MAPK10: variants seen among roughly 807,000 people sequenced by gnomAD.
MAPK10 encodes the protein mitogen-activated protein kinase 10.
A neutral mutation model predicts 59.3 loss-of-function variants in MAPK10; 25 were observed. That is an observed-to-expected ratio of 0.42 (90% CI 0.31 to 0.59). The LOEUF (loss-of-function observed/expected upper bound fraction) is 0.59. MAPK10 is among the 20% of genes least tolerant of loss of function. MAPK10 has a pLI of 0.15. For synonymous variants in MAPK10, 190 were observed against 200.5 expected, an observed-to-expected ratio of 0.95 and a Z score of 0.44; for missense variants, 351 against 568.9, an observed-to-expected ratio of 0.62 and a Z score of 3.90.
At chr4:86,420,849 A>G (rs929863206) in intron 1 of MAPK10, among the ~76,000 whole-genome samples, 20 of 152,110 alleles carry the variant, frequency 1.3e-4, no homozygotes, top group Non-Finnish European at 2.6e-4. Context: ...TGGGAGGCCG[A>G]GGCTGGTGGA....
intron 3 of MAPK10, among the ~76,000 whole-genome samples, chr4:86,168,176 G>C (rs141662565): frequency 0.03 from 4,520 of 152,288 alleles, 92 homozygotes; most frequent in South Asian, 0.041. Context: ...TGAGGTACCG[G>C]GTTCATCTCA....
At chr4:86,216,861 C>T (rs1468834842) in intron 2 of MAPK10, among the ~76,000 whole-genome samples, 2 of 151,910 alleles carry the variant, frequency 1.3e-5, no homozygotes, top group South Asian at 2.1e-4. Flanking sequence ...GAAATATGCA[C>T]ATTAATAACT....
At chr4:86,215,895 A>G (rs2087392346) in intron 2 of MAPK10, among the ~76,000 whole-genome samples, 1 of 152,278 alleles carries the variant, frequency 6.6e-6, no homozygotes, top group Middle Eastern at 3.4e-3. Context: ...TCAAGTTACC[A>G]TCTCACATCC....
At chr4:86,565,622 G>A (rs1317136167) in intron 1 of MAPK10, among the ~76,000 whole-genome samples, 2 of 152,168 alleles carry the variant, frequency 1.3e-5, no homozygotes, top group African/African-American at 2.4e-5. Context: ...GTATGCAGAC[G>A]TAGCAGATGC....
At chr4:86,039,791 T>G (rs573666426) in intron 11 of MAPK10, among the ~76,000 whole-genome samples, 3 of 152,252 alleles carry the variant, frequency 2.0e-5, no homozygotes, top group African/African-American at 7.2e-5. Context: ...AGGCGTCAGG[T>G]CTGCCCTTGT....
intron 2 of MAPK10, among the ~76,000 whole-genome samples, chr4:86,282,976 G>A (rs1006878245): frequency 6.6e-6 from 1 of 152,196 alleles, no homozygotes; most frequent in Non-Finnish European, 1.5e-5. Context: ...ATAAAAGGGT[G>A]AGATTTCATT....
intron 2 of MAPK10, among the ~76,000 whole-genome samples, chr4:86,202,414 C>T (rs1486001638): frequency 6.6e-6 from 1 of 151,798 alleles, no homozygotes; most frequent in Non-Finnish European, 1.5e-5. Context: ...AGGAAAATGA[C>T]TATGTTTTAT....
intron 4 of MAPK10, among the ~76,000 whole-genome samples, chr4:86,150,816 C>T (rs186687588): frequency 6.6e-5 from 10 of 152,154 alleles, no homozygotes; most frequent in Admixed American, 4.6e-4. Flanking sequence ...GAGCCAAGAT[C>T]GCACTACTGC....
intron 2 of MAPK10, among the ~76,000 whole-genome samples, chr4:86,263,238 A>T (rs2094086288): frequency 6.6e-6 from 1 of 152,166 alleles, no homozygotes; most frequent in African/African-American, 2.4e-5. Context: ...TAGTTCTTTT[A>T]TTAGATATTC....
intron 1 of MAPK10, among the ~76,000 whole-genome samples, chr4:86,430,826 G>A (rs768383444): frequency 2.3e-4 from 35 of 152,124 alleles, no homozygotes; most frequent in Non-Finnish European, 3.5e-4. Context: ...TAGATGGGGC[G>A]CCAGATCAGA....
chr4:86,320,247 C>T (rs1193970220), intron 2 of MAPK10, among the ~76,000 whole-genome samples: 1 of 152,164 alleles, frequency 6.6e-6, no homozygotes, highest in Non-Finnish European at 1.5e-5. Context: ...GAAAATATAT[C>T]TCCCAATCTA....
rs1177834018 is a variant in MAPK10, at chr4:86,090,111, TGGGGAA to T, written c.802+8407_802+8412del. 5.9e-5 allele frequency among the ~76,000 whole-genome samples: 9 copies of T among 151,678 alleles called. No individual in the cohort carries two copies. The East Asian group carries it at 9.7e-4, about 16-fold the overall frequency. On this transcript the variant is annotated intron_variant, in intron 9 of 13. Coordinates refer to ENST00000641462, the MANE Select transcript of MAPK10 (RefSeq NM_138982.4). ...AGAGCGCACAGAGGGAGGGGCAAAATGGGGAAGGGTGAAGCAAGAAAGTGAAATCTC... is the reference window on the plus strand; with the variant it reads ...AGAGCGCACAGAGGGAGGGGCAAAATGGGTGAAGCAAGAAAGTGAAATCTC...
intron 1 of MAPK10, among the ~76,000 whole-genome samples, chr4:86,430,072 G>C (rs1431803455): frequency 1.3e-5 from 2 of 152,048 alleles, no homozygotes; most frequent in African/African-American, 4.8e-5. Context: ...AAAAAGTCAG[G>C]TATATATAGA....
chr4:86,171,055 T>C (rs541627173), intron 3 of MAPK10: 90 of 152,088 alleles, frequency 5.9e-4, no homozygotes, highest in African/African-American at 2.1e-3. Context: ...TACCGGAATC[T>C]CTGGGACTCA....
At chr4:86,335,726 A>G (rs1192610613) in intron 2 of MAPK10, among the ~76,000 whole-genome samples, 1 of 152,196 alleles carries the variant, frequency 6.6e-6, no homozygotes, top group Non-Finnish European at 1.5e-5. Context: ...GAAACTTACA[A>G]TCATGGCAGA....
At chr4:86,078,606 C>T (rs72662022) in intron 9 of MAPK10, among the ~76,000 whole-genome samples, 1,194 of 83,624 alleles carry the variant, frequency 0.014, 11 homozygotes, top group African/African-American at 0.057. Context: ...TATATATATA[C>T]ACACACACAC....
At chr4:86,090,940 G>A (rs958389951) in intron 9 of MAPK10, 1 of 151,926 alleles carries the variant, frequency 6.6e-6, no homozygotes, top group Admixed American at 6.6e-5. Context: ...CAATATCTCT[G>A]GCAATATATT....
At chr4:86,167,209 A>G (rs1234709236) in intron 3 of MAPK10, among the ~76,000 whole-genome samples, 1 of 152,212 alleles carries the variant, frequency 6.6e-6, no homozygotes, top group Non-Finnish European at 1.5e-5. Context: ...AAGTTCTGAA[A>G]GTGAGGCAGT....
chr4:86,418,993 G>C (rs1037207866), intron 1 of MAPK10, among the ~76,000 whole-genome samples: 1 of 152,058 alleles, frequency 6.6e-6, no homozygotes, highest in Non-Finnish European at 1.5e-5. Flanking sequence ...ATGAACCTTG[G>C]GGACTTAAAA....
Sources: allele counts gnomAD v4.1 joint callset (sites outside exome capture counted in the v4.1 genomes callset), GRCh38; gene constraint gnomAD v4.1.1; transcripts MANE v1.5; gene names NCBI Gene and HGNC (gene_info 2026-07-23, HGNC 2026-07-21).